PRELID2: variants seen among roughly 807,000 people sequenced by gnomAD.
The protein encoded by PRELID2 is PRELI domain containing 2, also known as PRELI domain-containing protein 2.
PRELID2 carries 25 observed loss-of-function variants against 28.4 expected under a neutral mutation model. The observed-to-expected ratio is 0.88, with a 90% CI of 0.64 to 1.23. The LOEUF (loss-of-function observed/expected upper bound fraction) is 1.23, where lower values mean the gene tolerates loss of function less well. PRELID2 is among the 50% of genes most tolerant of loss of function. The pLI is 0.00. For missense variants in PRELID2, 201 were observed against 214.4 expected (o/e 0.94, Z 0.39); for synonymous variants, 76 against 71.6 (o/e 1.06, Z -0.31).
At chr5:145,712,638 A>T (rs983772452) in intron 1 of PRELID2, among the ~76,000 whole-genome samples, 2 of 152,308 alleles carry the variant, frequency 1.3e-5, no homozygotes, top group Middle Eastern at 3.4e-3. Context: ...ATACAATTTT[A>T]AAAAATACAA....
rs368604310 is a variant in PRELID2, at chr5:145,655,972, G to A, written n.70+108959C>T. On this transcript the variant is annotated intron_variant and non_coding_transcript_variant, in intron 1 of 2. Transcript: ENST00000510259. ...CATCAGAGTGAACAGGCAACCTACAGAATGGGAGAAAAATTTTGCAATCTA... is the reference window on the plus strand; with the variant it reads ...CATCAGAGTGAACAGGCAACCTACAAAATGGGAGAAAAATTTTGCAATCTA... Among the ~76,000 whole-genome samples, 74 of 152,252 alleles carry A rather than the reference G, an allele frequency of 4.9e-4. No individual in the cohort carries two copies. In the South Asian group the frequency reaches 0.014, roughly 29 times the overall value.
intron 1 of PRELID2, among the ~76,000 whole-genome samples, chr5:145,691,712 C>T (rs1755154308): frequency 1.3e-5 from 2 of 151,438 alleles, no homozygotes. Context: ...AGTGAGACTC[C>T]ATCTCAAAAA....
chr5:145,248,310 T>C, the PRELID2 span, among the ~76,000 whole-genome samples: 8,288 of 152,188 alleles, frequency 0.054, 398 homozygotes, highest in African/African-American at 0.13. Flanking sequence ...TGCTTAAGTG[T>C]AGTTTTTCAA....
At chr5:145,411,832 A>G in the PRELID2 span, among the ~76,000 whole-genome samples, 2 of 152,156 alleles carry the variant, frequency 1.3e-5, no homozygotes, top group Admixed American at 1.3e-4. Flanking sequence ...TCTGAAATCT[A>G]GGTGGAGGTT....
At chr5:145,420,344 T>C in the PRELID2 span, among the ~76,000 whole-genome samples, 4 of 152,112 alleles carry the variant, frequency 2.6e-5, no homozygotes, top group Non-Finnish European at 4.4e-5. Context: ...TTTCACAATA[T>C]TGATTCTTCC....
At position 145,585,563 on chromosome 5, in the gene PRELID2, T is replaced by C. The variant is rs566152651; in HGVS notation, n.71-112248A>G. Among the ~76,000 whole-genome samples the C allele has an allele frequency of 5.3e-5, 8 of 152,192 alleles. No homozygotes were observed. The South Asian group carries it at 6.2e-4, about 12-fold the overall frequency. ...ATAAAGAGCCAGACACCTAGAAAAG[T>C]TGAGTATAATAATCGTCCATACCTC... is the stretch of plus-strand genomic sequence containing the variant. On this transcript the variant is annotated intron_variant and non_coding_transcript_variant, in intron 1 of 2. Coordinates refer to the PRELID2 transcript ENST00000510259.
At chr5:145,661,443 A>G (rs765342521) in intron 1 of PRELID2, among the ~76,000 whole-genome samples, 4 of 152,112 alleles carry the variant, frequency 2.6e-5, no homozygotes, top group Non-Finnish European at 5.9e-5. Context: ...GTTACAGCAA[A>G]AATCAGTTCA....
intron 4 of PRELID2, among the ~76,000 whole-genome samples, chr5:145,813,899 T>C (rs1441129527): frequency 6.6e-6 from 1 of 152,184 alleles, no homozygotes; most frequent in Non-Finnish European, 1.5e-5. Context: ...CAATCTACCT[T>C]AAATGGTAAC....
the PRELID2 span, among the ~76,000 whole-genome samples, chr5:145,366,257 G>T: frequency 6.6e-6 from 1 of 151,960 alleles, no homozygotes; most frequent in East Asian, 1.9e-4. Context: ...TAAATAACCT[G>T]AGCAGTTGCG....
chr5:145,366,992 G>A, the PRELID2 span, among the ~76,000 whole-genome samples: 1 of 151,632 alleles, frequency 6.6e-6, no homozygotes, highest in Admixed American at 6.6e-5. Context: ...TTATCCAGAA[G>A]GCCATACATA....
intron 1 of PRELID2, among the ~76,000 whole-genome samples, chr5:145,514,261 G>A (rs1253814881): frequency 6.9e-6 from 1 of 144,018 alleles, no homozygotes; most frequent in African/African-American, 2.6e-5. Context: ...CATGTGCACA[G>A]ACACACATAG....
At chr5:145,374,071 A>G in the PRELID2 span, among the ~76,000 whole-genome samples, 2 of 150,948 alleles carry the variant, frequency 1.3e-5, no homozygotes. Context: ...CAGTTTCTTC[A>G]TAGTGTGATT....
the PRELID2 span, among the ~76,000 whole-genome samples, chr5:145,425,850 GA>G: frequency 3.3e-3 from 495 of 148,640 alleles, 5 homozygotes; most frequent in African/African-American, 0.011. Context: ...AAAAGTTGAA[GA>G]AAAAAAAAAT....
chr5:145,431,764 A>G, the PRELID2 span, among the ~76,000 whole-genome samples: 1 of 152,240 alleles, frequency 6.6e-6, no homozygotes, highest in African/African-American at 2.4e-5. Context: ...GAAAGGGACT[A>G]AAGAGATAAG....
chr5:145,505,567 T>C (rs1752404174), intron 1 of PRELID2, among the ~76,000 whole-genome samples: 1 of 152,282 alleles, frequency 6.6e-6, no homozygotes, highest in African/African-American at 2.4e-5. Context: ...ATAAATCAGA[T>C]CATATGACTC....
At chr5:145,369,261 G>A in the PRELID2 span, among the ~76,000 whole-genome samples, 2 of 151,236 alleles carry the variant, frequency 1.3e-5, no homozygotes, top group African/African-American at 2.4e-5. Context: ...CATCTTCTAA[G>A]TTCCCTTCCC....
chr5:145,299,848 A>G, the PRELID2 span, among the ~76,000 whole-genome samples: 1 of 152,096 alleles, frequency 6.6e-6, no homozygotes, highest in African/African-American at 2.4e-5. Context: ...ATAAAGAGAA[A>G]GGCTCTCATC....
chr5:145,399,819 G>A, the PRELID2 span, among the ~76,000 whole-genome samples: 7 of 152,242 alleles, frequency 4.6e-5, no homozygotes, highest in South Asian at 2.1e-4. Context: ...CACATCTTAC[G>A]TAGATGGTGG....
the PRELID2 span, among the ~76,000 whole-genome samples, chr5:145,308,356 G>A: frequency 1.1e-4 from 17 of 152,174 alleles, no homozygotes; most frequent in Non-Finnish European, 2.4e-4. Flanking sequence ...AATCTTCTCT[G>A]CTGTAACGAT....
Sources: gnomAD v4.1 joint callset for allele counts (sites outside exome capture counted in the v4.1 genomes callset) on GRCh38, gnomAD v4.1.1 for gene constraint, MANE v1.5 for transcripts, NCBI Gene and HGNC (gene_info 2026-07-23, HGNC 2026-07-21) for gene names.